Variants in DMD observed in about 807,000 individuals in gnomAD.
DMD encodes dystrophin, also known as mutant dystrophin.
Under a neutral mutation model 330.1 loss-of-function variants are expected in DMD, and 63 were observed. The ratio of observed to expected loss-of-function variants is 0.19; its 90% CI spans 0.16 to 0.24. The LOEUF (loss-of-function observed/expected upper bound fraction) is 0.24. Among genes scored for constraint, DMD ranks in the 10% least tolerant of loss-of-function variants. DMD has a pLI of 1.00. For synonymous variants in DMD, 1,223 were observed against 959.8 expected (o/e 1.27, Z -5.07); for missense variants, 3,344 against 2,684.1 (o/e 1.25, Z -5.43).
rs1017702781 is a variant in DMD, at chrX:32,542,851, C to T, written c.2168+2308G>A. The stretch of plus-strand genomic sequence containing the variant: ...ATATAGCGTGTTCAGATAATTTTGC[C>T]GTCCAAATCAGGACACACTTGAGAG... On this transcript the variant is annotated intron_variant, in intron 17 of 78. Transcript: ENST00000357033. Among the ~76,000 whole-genome samples, 11 of 111,890 alleles carry T rather than the reference C, an allele frequency of 9.8e-5. No individual in the cohort carries two copies. In the East Asian group the frequency reaches 1.1e-3, roughly 11 times the overall value.
At chrX:32,720,483 C>A (rs771662253) in intron 7 of DMD, among the ~76,000 whole-genome samples, 4 of 111,751 alleles carry the variant, frequency 3.6e-5, no homozygotes, top group Non-Finnish European at 7.6e-5. Flanking sequence ...ATTGTTTGCC[C>A]CCATGGGGAT....
chrX:31,875,119 G>T, intron 48 of DMD, 69 bp downstream of exon 48: 1 of 931,319 alleles, frequency 1.1e-6, no homozygotes, highest in South Asian at 2.2e-5. Flanking sequence ...GATACCAAAT[G>T]AGAAAATTCA....
At chrX:32,936,792 C>T (rs1222044762) in intron 2 of DMD, among the ~76,000 whole-genome samples, 1 of 111,593 alleles carries the variant, frequency 9.0e-6, no homozygotes, top group Non-Finnish European at 1.9e-5. Flanking sequence ...AACACTTGTG[C>T]CTAGTCCCAA....
intron 44 of DMD, among the ~76,000 whole-genome samples, chrX:32,123,516 A>AT (rs2096648315): frequency 9.1e-6 from 1 of 109,705 alleles, no homozygotes; most frequent in Non-Finnish European, 1.9e-5. Context: ...GTCAGGAAAA[A>AT]GGTGCTCTGT....
chrX:31,264,296 T>C (rs2050817050), intron 62 of DMD, among the ~76,000 whole-genome samples: 1 of 111,684 alleles, frequency 9.0e-6, no homozygotes, highest in South Asian at 3.8e-4. Flanking sequence ...TGGCACTGTT[T>C]TGGTAATTGT....
At chrX:32,632,983 T>A (rs1166793450) in intron 11 of DMD, among the ~76,000 whole-genome samples, 1 of 112,518 alleles carries the variant, frequency 8.9e-6, no homozygotes, top group East Asian at 2.8e-4. Context: ...TGAGTTCTCC[T>A]GAAAATGGGC....
chrX:32,215,481 C>T (rs2097109043), intron 44 of DMD, among the ~76,000 whole-genome samples: 1 of 111,324 alleles, frequency 9.0e-6, no homozygotes, highest in African/African-American at 3.3e-5. Flanking sequence ...TCCAAGAAAC[C>T]CAGCCTGAAA....
intron 5 of DMD, among the ~76,000 whole-genome samples, chrX:32,818,707 A>C (rs900930301): frequency 5.4e-5 from 6 of 111,370 alleles, no homozygotes; most frequent in Non-Finnish European, 7.5e-5. Flanking sequence ...CCTTCAAGGA[A>C]GGGCTTGTTG....
At chrX:32,832,948 A>G (rs1411078036) in intron 4 of DMD, among the ~76,000 whole-genome samples, 1 of 111,328 alleles carries the variant, frequency 9.0e-6, no homozygotes, top group Non-Finnish European at 1.9e-5. Flanking sequence ...TTTACATTAG[A>G]TAATTTTTGA....
chrX:31,678,714 G>T (rs2082216295), intron 53 of DMD, among the ~76,000 whole-genome samples: 1 of 110,615 alleles, frequency 9.0e-6, no homozygotes, highest in Non-Finnish European at 1.9e-5. Context: ...CTTGATCCAG[G>T]GCCTCCAAAT....
chrX:31,495,169 T>A (rs1163768476), intron 57 of DMD, among the ~76,000 whole-genome samples: 1 of 104,058 alleles, frequency 9.6e-6, no homozygotes, highest in Non-Finnish European at 2.0e-5. Flanking sequence ...TTTGCAAAGA[T>A]CCCTGGGTCT....
intron 2 of DMD, among the ~76,000 whole-genome samples, chrX:32,954,083 T>A (rs1388262618): frequency 2.7e-5 from 3 of 112,252 alleles, no homozygotes; most frequent in African/African-American, 9.7e-5. Context: ...TAGAAAAGAA[T>A]CAAGCTTACT....
chrX:33,184,809 C>A (rs1212026723), intron 1 of DMD, among the ~76,000 whole-genome samples: 1 of 104,658 alleles, frequency 9.6e-6, no homozygotes, highest in Non-Finnish European at 2.0e-5. Flanking sequence ...CCGCAACCTC[C>A]ACCTCCTGGG....
intron 64 of DMD, among the ~76,000 whole-genome samples, chrX:31,222,492 A>G (rs1336279546): frequency 9.1e-6 from 1 of 110,226 alleles, no homozygotes. Flanking sequence ...AGACAATAGT[A>G]GAGTTATACA....
intron 7 of DMD, among the ~76,000 whole-genome samples, chrX:32,784,573 G>C (rs1315922992): frequency 8.9e-6 from 1 of 111,813 alleles, no homozygotes; most frequent in Admixed American, 9.6e-5. Flanking sequence ...TATCACTTAA[G>C]AAATCAATTA....
At chrX:31,907,637 C>T (rs2094494158) in intron 47 of DMD, among the ~76,000 whole-genome samples, 1 of 111,820 alleles carries the variant, frequency 8.9e-6, no homozygotes, top group African/African-American at 3.3e-5. Context: ...TAGGCAATAC[C>T]ATTCAGGACA....
chrX:32,538,523 G>A (rs228356), intron 17 of DMD, among the ~76,000 whole-genome samples: 2 of 110,281 alleles, frequency 1.8e-5, no homozygotes, highest in Admixed American at 9.7e-5. Flanking sequence ...CCTGCACCCA[G>A]GTGAAATAGA....
chrX:31,848,073 T>C (rs1164222603), intron 48 of DMD, among the ~76,000 whole-genome samples: 1 of 111,787 alleles, frequency 8.9e-6, no homozygotes, highest in Non-Finnish European at 1.9e-5. Flanking sequence ...CACATGTGCA[T>C]ATATGCTTAT....
At chrX:31,439,842 G>A (rs73212359) in intron 60 of DMD, among the ~76,000 whole-genome samples, 8,005 of 111,301 alleles carry the variant, frequency 0.072, 238 homozygotes, top group East Asian at 0.2. Flanking sequence ...TTAGATATTC[G>A]TTTCTACTTG....
Sources: allele counts gnomAD v4.1 joint callset (sites outside exome capture counted in the v4.1 genomes callset), GRCh38; gene constraint gnomAD v4.1.1; transcripts MANE v1.5; gene names NCBI Gene and HGNC (gene_info 2026-07-23, HGNC 2026-07-21).